The following ROR2 variants were observed in gnomAD, a reference collection of about 807,000 sequenced individuals.
ROR2 encodes ROR family WNT receptor 2.
ROR2 carries 33 observed loss-of-function variants against 74.9 expected under a neutral mutation model. The ratio of observed to expected loss-of-function variants is 0.44; its 90% CI spans 0.33 to 0.59. ROR2 has a LOEUF of 0.59. ROR2 is among the 20% of genes least tolerant of loss of function. The pLI is 0.02. For synonymous variants in ROR2, 586 were observed against 558.7 expected (o/e 1.05, Z -0.69); for missense variants, 1,216 against 1,313.8 (o/e 0.93, Z 1.15).
intron 2 of ROR2, among the ~76,000 whole-genome samples, chr9:91,769,346 C>T (rs975373995): frequency 6.6e-6 from 1 of 152,130 alleles, no homozygotes; most frequent in Non-Finnish European, 1.5e-5. Flanking sequence ...GCTGAGATGC[C>T]CCACAATGAG....
chr9:91,839,679 G>C (rs1266699066), intron 1 of ROR2, among the ~76,000 whole-genome samples: 1 of 150,694 alleles, frequency 6.6e-6, no homozygotes, highest in Admixed American at 6.6e-5. Flanking sequence ...TGTGCATATG[G>C]TGTGGGTGTG....
intron 1 of ROR2, among the ~76,000 whole-genome samples, chr9:91,839,690 T>C (rs567618771): frequency 1.3e-5 from 2 of 150,796 alleles, no homozygotes; most frequent in Admixed American, 1.3e-4. Flanking sequence ...TGTGGGTGTG[T>C]GTGTGTTGTA....
At chr9:91,810,388 C>T (rs910144234) in intron 1 of ROR2, among the ~76,000 whole-genome samples, 3 of 152,086 alleles carry the variant, frequency 2.0e-5, no homozygotes, top group East Asian at 3.9e-4. Flanking sequence ...GTTTCAGGCC[C>T]GAAGCACCTG....
At chr9:91,746,932 C>T (rs1013978263) in intron 4 of ROR2, among the ~76,000 whole-genome samples, 2 of 151,742 alleles carry the variant, frequency 1.3e-5, no homozygotes, top group East Asian at 3.9e-4. Flanking sequence ...TGGGGTGGGT[C>T]CAGGACAGCA....
rs145786794 is a variant in ROR2, at chr9:91,876,300, C to A, written c.97+73567G>T. 1.7e-3 allele frequency among the ~76,000 whole-genome samples: 255 copies of A among 151,896 alleles called. 1 individual carries two copies. The highest frequency in any genetic ancestry group is 6.0e-3 in the African/African-American group (247 of 41,406). The stretch of plus-strand genomic sequence containing the variant: ...AGGAGAATCACTTGAACCTAGCAGG[C>A]GGAGGTTGCAGCGAGCCAAGATAGC... On this transcript the variant is annotated intron_variant, in intron 1 of 8. Coordinates refer to ENST00000375708, the MANE Select transcript of ROR2 (RefSeq NM_004560.4).
intron 1 of ROR2, among the ~76,000 whole-genome samples, chr9:91,864,141 CTA>C (rs1829557331): frequency 6.6e-6 from 1 of 152,192 alleles, no homozygotes; most frequent in African/African-American, 2.4e-5. Context: ...CATGTGCAGA[CTA>C]ATTTCCTTTT....
intron 1 of ROR2, among the ~76,000 whole-genome samples, chr9:91,937,676 G>A (rs1831738017): frequency 6.6e-6 from 1 of 152,094 alleles, no homozygotes; most frequent in Non-Finnish European, 1.5e-5. Context: ...ATTCAACAAA[G>A]TGATCACCAG....
At chr9:91,769,290 C>T (rs1007614154) in intron 2 of ROR2, among the ~76,000 whole-genome samples, 5 of 152,136 alleles carry the variant, frequency 3.3e-5, no homozygotes, top group African/African-American at 1.2e-4. Flanking sequence ...GCAAGCCTCC[C>T]GTGTCCTCGT....
chr9:91,793,634 T>G (rs1587724293), intron 1 of ROR2, among the ~76,000 whole-genome samples: 1 of 151,784 alleles, frequency 6.6e-6, no homozygotes, highest in African/African-American at 2.4e-5. Context: ...TGGTGGCAGG[T>G]GCCTGTAATC....
chr9:91,889,953 T>C (rs1830384766), intron 1 of ROR2, among the ~76,000 whole-genome samples: 1 of 152,190 alleles, frequency 6.6e-6, no homozygotes. Flanking sequence ...TTACCATTCC[T>C]GTAGCCAAAG....
intron 5 of ROR2, among the ~76,000 whole-genome samples, chr9:91,734,062 C>T (rs1004108150): frequency 6.6e-6 from 1 of 152,092 alleles, no homozygotes; most frequent in African/African-American, 2.4e-5. Context: ...ATCCAGAGCC[C>T]CCTTTGGTAG....
chr9:91,814,285 TC>T (rs1420772943), intron 1 of ROR2, among the ~76,000 whole-genome samples: 1 of 152,144 alleles, frequency 6.6e-6, no homozygotes, highest in East Asian at 1.9e-4. Flanking sequence ...GTGGAAGGCA[TC>T]CCTCTGCCTC....
intron 1 of ROR2, among the ~76,000 whole-genome samples, chr9:91,902,914 G>GGGTGGTC (rs1266113414): frequency 2.6e-5 from 4 of 152,088 alleles, no homozygotes; most frequent in African/African-American, 9.7e-5. Flanking sequence ...CAAATGCATA[G>GGGTGGTC]AAACAGAAGG....
chr9:91,726,641 C>T lies in ROR2; in HGVS notation c.1286G>A (p.Arg429Gln), dbSNP rs745922319. 1.2e-6 allele frequency: 2 copies of T among 1,613,834 alleles called. No homozygotes were observed. The highest frequency in any genetic ancestry group is 1.7e-5 in the Admixed American group (1 of 59,976). Reference sequence around the variant, plus strand: ...GGACGCAGATGCCTTCTGCTTATTCCGGCACATGCAAACCAAGAAGAAAAG... The same window carrying T: ...GGACGCAGATGCCTTCTGCTTATTCTGGCACATGCAAACCAAGAAGAAAAG... ...ACLFFLVCMCRNKQKASASTP... is the reference protein window; with the variant it reads ...ACLFFLVCMCQNKQKASASTP... Residue 429 changes from arginine (R) to glutamine (Q), a missense_variant, in exon 8 of 9, where the codon CGG becomes CAG. Arg to Gln is a conservative substitution (Grantham distance 43). Coordinates refer to ENST00000375708, the MANE Select transcript of ROR2 (RefSeq NM_004560.4).
intron 1 of ROR2, among the ~76,000 whole-genome samples, chr9:91,847,633 A>C (rs1365367407): frequency 6.6e-6 from 1 of 151,990 alleles, no homozygotes; most frequent in African/African-American, 2.4e-5. Flanking sequence ...TCTCCTCCAG[A>C]GCCGCTTTTC....
At chr9:91,855,437 G>C (rs1224651848) in intron 1 of ROR2, among the ~76,000 whole-genome samples, 2 of 152,226 alleles carry the variant, frequency 1.3e-5, no homozygotes, top group African/African-American at 4.8e-5. Flanking sequence ...GAGGTCGGGA[G>C]ATCATGCAGG....
intron 1 of ROR2, among the ~76,000 whole-genome samples, chr9:91,881,555 T>C (rs1041862323): frequency 1.3e-5 from 2 of 152,222 alleles, no homozygotes; most frequent in African/African-American, 4.8e-5. Context: ...GACTTACTGT[T>C]AGTACTCCTT....
chr9:91,760,633 C>CAA (rs11405498), intron 2 of ROR2, among the ~76,000 whole-genome samples: 25 of 80,930 alleles, frequency 3.1e-4, no homozygotes, highest in East Asian at 1.8e-3. Context: ...GACTCTGTCT[C>CAA]AAAAAAAAAA....
chr9:91,932,655 C>T (rs1831578635), intron 1 of ROR2, among the ~76,000 whole-genome samples: 1 of 148,960 alleles, frequency 6.7e-6, no homozygotes, highest in African/African-American at 2.5e-5. Flanking sequence ...CTGAGCGAGA[C>T]TGTCTCAAAA....
Sources: gnomAD v4.1 joint callset for allele counts (sites outside exome capture counted in the v4.1 genomes callset) on GRCh38, gnomAD v4.1.1 for gene constraint, MANE v1.5 for transcripts, NCBI Gene and HGNC (gene_info 2026-07-23, HGNC 2026-07-21) for gene names.